The following ANKRD16 variants were observed in gnomAD, a reference collection of about 807,000 sequenced individuals.
The protein encoded by ANKRD16 is ankyrin repeat domain 16, also known as ankyrin repeat domain-containing protein 16.
A neutral mutation model predicts 37.9 loss-of-function variants in ANKRD16; 35 were observed. The observed-to-expected ratio is 0.92, with a 90% confidence interval of 0.71 to 1.23. The LOEUF (loss-of-function observed/expected upper bound fraction) is 1.23. Ranked by LOEUF, ANKRD16 falls within the 50% of genes most tolerant of loss-of-function variation. The probability of loss-of-function intolerance (pLI) is 0.00; values close to 1 mark genes in which losing one functional copy is unlikely to be tolerated. For synonymous variants in ANKRD16, 206 were observed against 197.2 expected (o/e 1.04, Z -0.37); for missense variants, 480 against 469.9 (o/e 1.02, Z -0.20).
At position 5,889,195 on chromosome 10, in the gene ANKRD16, C is replaced by G. The variant is rs138291670; in HGVS notation, c.160G>C (p.Ala54Pro). ...ATGCCCCAGGCCTCGGCCAGATAGG[C>G]CAGCACGTCCCGATGCCCGTGGCGC... ...AARHGHRDVLAYLAEAWGMDI... is the reference protein window; with the variant it reads ...AARHGHRDVLPYLAEAWGMDI... The change falls in exon 1 of 8, where the codon GCC becomes CCC. Residue 54 changes from alanine to proline, a missense_variant. Physicochemically the swap from Ala to Pro is conservative, Grantham distance 27. Coordinates refer to ENST00000380094, the MANE Select transcript of ANKRD16 (RefSeq NM_019046.3). 262 of 1,595,960 alleles carry G rather than the reference C, an allele frequency of 1.6e-4. 1 individual carries two copies. In the African/African-American group the frequency reaches 3.3e-3, roughly 20 times the overall value.
In ANKRD16 at chr10:5,868,975, A is replaced by G. The variant is rs1842053317; in HGVS notation, c.*34-6284T>C. 6.6e-6 allele frequency among the ~76,000 whole-genome samples: 1 copy of G among 152,244 alleles called. No individual in the cohort carries two copies. Among genetic ancestry groups the G allele is most frequent in the Non-Finnish European group, 1.5e-5 (1 of 68,048 alleles). On this transcript the variant is annotated intron_variant, in intron 7 of 7. Coordinates refer to ENST00000380094, the MANE Select transcript of ANKRD16 (RefSeq NM_019046.3). The surrounding 1 kb of genome is among the most constrained non-coding windows in gnomAD (Gnocchi z 4.9). ...AGACAAAGAAAGCAAAGGTGCGGGAAGAAACTTTTGGACAAGTTTGTCCAA... is the reference window on the plus strand; with the variant it reads ...AGACAAAGAAAGCAAAGGTGCGGGAGGAAACTTTTGGACAAGTTTGTCCAA...
At chr10:5,876,081 A>G (rs942262601) in intron 7 of ANKRD16, among the ~76,000 whole-genome samples, 10 of 152,146 alleles carry the variant, frequency 6.6e-5, no homozygotes, top group African/African-American at 2.4e-4. Context: ...ACTGGGTTTC[A>G]CCATGTTGGC....
intron 1 of ANKRD16, among the ~76,000 whole-genome samples, chr10:5,888,580 C>T (rs1159104358): frequency 6.6e-6 from 1 of 151,908 alleles, no homozygotes; most frequent in Non-Finnish European, 1.5e-5. Flanking sequence ...CAAGGCTGCA[C>T]GTATGTGATA....
At position 5,867,868 on chromosome 10, in the gene ANKRD16, A is replaced by G. The variant is rs554993530; in HGVS notation, c.*34-5177T>C. Among the ~76,000 whole-genome samples the G allele has an allele frequency of 4.7e-4, 71 of 152,346 alleles. 1 individual carries two copies. The highest frequency in any genetic ancestry group is 1.7e-3 in the African/African-American group (70 of 41,580). On this transcript the variant is annotated intron_variant, in intron 7 of 7. Coordinates refer to ENST00000380094, the MANE Select transcript of ANKRD16 (RefSeq NM_019046.3). ...TACGATCCCAAATAGACTCTTTGGC[A>G]GCAGCGACTCTCCAAAACTGCCGAG...
intron 3 of ANKRD16, among the ~76,000 whole-genome samples, chr10:5,885,472 G>A (rs955922989): frequency 2.6e-5 from 4 of 152,044 alleles, no homozygotes; most frequent in Non-Finnish European, 5.9e-5. Context: ...GTGAGCCACC[G>A]AGCACTAAAT....
intron 5 of ANKRD16, 38 bp from the exon 6 acceptor site, chr10:5,880,414 TA>T (rs1564417516): frequency 4.2e-6 from 6 of 1,413,956 alleles, no homozygotes; most frequent in Non-Finnish European, 5.8e-6. Flanking sequence ...GTGATGAGGA[TA>T]AAAGAAAACC....
chr10:5,881,228 A>G (rs914084351), intron 5 of ANKRD16: 1 of 246,424 alleles, frequency 4.1e-6, no homozygotes, highest in South Asian at 1.5e-4. Flanking sequence ...TACTGACCCA[A>G]TGCAGTTAGT....
At chr10:5,883,205 A>G (rs1564418588) in intron 4 of ANKRD16, 38 bp from the exon 5 acceptor site, 1 of 1,599,890 alleles carries the variant, frequency 6.3e-7, no homozygotes, top group East Asian at 2.2e-5. Context: ...AAGGTCAAAG[A>G]TAAGAAACAG....
In ANKRD16 at chr10:5,874,047, C is replaced by T. The variant is rs181814513; in HGVS notation, c.*33+4050G>A. The stretch of plus-strand genomic sequence containing the variant: ...CTGGGATTACAGGCGGGTGCCACCA[C>T]GCCTGGCTAATTTTTGTATTTTTAG... On this transcript the variant is annotated intron_variant, in intron 7 of 7. Transcript: ENST00000380094. The surrounding 1 kb of genome is among the most constrained non-coding windows in gnomAD (Gnocchi z 4.7). 9.4e-3 allele frequency among the ~76,000 whole-genome samples: 1,430 copies of T among 152,086 alleles called. 19 individuals carry two copies. The highest frequency in any genetic ancestry group is 0.033 in the African/African-American group (1,348 of 41,428).
chr10:5,876,344 G>C (rs1416288187), intron 7 of ANKRD16, among the ~76,000 whole-genome samples: 1 of 152,312 alleles, frequency 6.6e-6, no homozygotes, highest in East Asian at 1.9e-4. Context: ...TGGTTTGTAA[G>C]GGCAGAAGCA....
intron 5 of ANKRD16, among the ~76,000 whole-genome samples, chr10:5,882,433 G>T (rs768201235): frequency 5.5e-5 from 8 of 146,674 alleles, no homozygotes; most frequent in Non-Finnish European, 1.2e-4. Flanking sequence ...TCCAGCCTGG[G>T]CAAAAAAGCA....
chr10:5,867,320 G>C (rs1322672436), intron 7 of ANKRD16, among the ~76,000 whole-genome samples: 1 of 152,200 alleles, frequency 6.6e-6, no homozygotes, highest in East Asian at 1.9e-4. Flanking sequence ...TTCCTCCCCG[G>C]AGATTAAGGA....
rs1307316220 is a variant in ANKRD16, at chr10:5,878,236, A to T, written c.980T>A (p.Leu327Gln). The part of the protein sequence containing the change: ...GQHLACAKFL[L>Q]QSGLKDSEDI... Reference sequence around the variant, plus strand: ...TTCAGAATCCTTCAGTCCCGACTGCAGGAGAAACTTGGCACAGGCCAAGTG... The same window carrying T: ...TTCAGAATCCTTCAGTCCCGACTGCTGGAGAAACTTGGCACAGGCCAAGTG... Residue 327 changes from leucine (L) to glutamine (Q), a missense_variant, in exon 7 of 8, where the codon CTG (leucine) becomes CAG (glutamine). Leu to Gln is a moderately radical substitution (Grantham distance 113, BLOSUM62 -2). Coordinates refer to ENST00000380094, the MANE Select transcript of ANKRD16 (RefSeq NM_019046.3). The surrounding 1 kb of genome is among the most constrained non-coding windows in gnomAD (Gnocchi z 5.1). The T allele has an allele frequency of 6.2e-7, 1 of 1,614,176 alleles. No homozygotes were observed. The highest frequency in any genetic ancestry group is 1.1e-5 in the South Asian group (1 of 91,090).
At chr10:5,881,949 A>T (rs1472190714) in intron 5 of ANKRD16, among the ~76,000 whole-genome samples, 2 of 151,678 alleles carry the variant, frequency 1.3e-5, no homozygotes, top group Admixed American at 6.6e-5. Context: ...AGCCTCCCAA[A>T]GTGCTGGGAT....
chr10:5,863,386 G>A lies in ANKRD16; in HGVS notation c.*34-695C>T, dbSNP rs1841968018. On this transcript the variant is annotated intron_variant, in intron 7 of 7. Coordinates refer to ENST00000380094, the MANE Select transcript of ANKRD16 (RefSeq NM_019046.3). The surrounding 1 kb of genome is among the most constrained non-coding windows in gnomAD (Gnocchi z 4.7). ...GACTTCCTGGGTCAAATGGGGACTT[G>A]GAGAACTTTTCTGTGTAGCTAAAGG... Among the ~76,000 whole-genome samples, 2 of 152,014 alleles carry A rather than the reference G, an allele frequency of 1.3e-5. No individual in the cohort carries two copies. Among genetic ancestry groups the A allele is most frequent in the African/African-American group, 4.8e-5 (2 of 41,342 alleles).
chr10:5,872,862 T>C (rs1842124083), intron 7 of ANKRD16, among the ~76,000 whole-genome samples: 1 of 146,254 alleles, frequency 6.8e-6, no homozygotes, highest in East Asian at 2.1e-4. Context: ...GGCCCTGCAT[T>C]TTATTTTTTA....
rs1842051812 is a variant in ANKRD16, at chr10:5,868,837, T to C, written c.*34-6146A>G. 6.6e-6 allele frequency among the ~76,000 whole-genome samples: 1 copy of C among 152,190 alleles called. No individual in the cohort carries two copies. Among genetic ancestry groups the C allele is most frequent in the African/African-American group, 2.4e-5 (1 of 41,438 alleles). ...ACCAGGAGGAACAAACAACTCTGAA[T>C]GTACCATCTTTAAGATCATAACACT... On this transcript the variant is annotated intron_variant, in intron 7 of 7. Coordinates refer to ENST00000380094, the MANE Select transcript of ANKRD16 (RefSeq NM_019046.3). The surrounding 1 kb of genome is among the most constrained non-coding windows in gnomAD (Gnocchi z 4.9).
In ANKRD16 at chr10:5,862,730, GA is replaced by G; in HGVS notation, c.*34-40del. The G allele has an allele frequency of 7.9e-7, 1 of 1,269,646 alleles. No individual in the cohort carries two copies. The highest frequency in any genetic ancestry group is 1.0e-6 in the Non-Finnish European group (1 of 970,742). 78.6% of individuals were successfully genotyped at this position (1,269,646 alleles called of 1,614,324 possible). On this transcript the variant is annotated intron_variant, in intron 7 of 7. Transcript: ENST00000380094. This position sits in a 1 kb window ranked among gnomAD's most constrained non-coding sequence, Gnocchi z 6.5. ...GTTATTATCATCTCAGTTTACAGAT[GA>G]AACAGAAGCTCAGAGAGGGCAAGCA...
In ANKRD16 at chr10:5,866,476, T is replaced by C. The variant is rs1466257490; in HGVS notation, c.*34-3785A>G. 2.0e-5 allele frequency among the ~76,000 whole-genome samples: 3 copies of C among 152,232 alleles called. No individual in the cohort carries two copies. The highest frequency in any genetic ancestry group is 1.3e-4 in the Admixed American group (2 of 15,276). On this transcript the variant is annotated intron_variant, in intron 7 of 7. Coordinates refer to ENST00000380094, the MANE Select transcript of ANKRD16 (RefSeq NM_019046.3). This position sits in a 1 kb window ranked among gnomAD's most constrained non-coding sequence, Gnocchi z 4.3. The stretch of plus-strand genomic sequence containing the variant: ...CCCAGTTAGCAGAACTAGTGGCACT[T>C]ACCCGAGCCTTAGAACTGGGAAAGG...
Sources: allele counts gnomAD v4.1 joint callset (sites outside exome capture counted in the v4.1 genomes callset), GRCh38; gene constraint gnomAD v4.1.1; non-coding constraint Gnocchi (gnomAD v3.1); transcripts MANE v1.5; gene names NCBI Gene and HGNC (gene_info 2026-07-23, HGNC 2026-07-21).